ENKUR: variants seen among roughly 807,000 people sequenced by gnomAD.
The protein encoded by ENKUR is enkurin, TRPC channel interacting protein, also known as enkurin.
Under a neutral mutation model 27.6 loss-of-function variants are expected in ENKUR, and 19 were observed. The ratio of observed to expected loss-of-function variants is 0.69; its 90% CI spans 0.48 to 1.01. The LOEUF is 1.01. ENKUR is among the 50% of genes least tolerant of loss of function. The pLI, the probability that ENKUR is intolerant of heterozygous loss-of-function variation, is 0.00. For synonymous variants in ENKUR, 117 were observed against 96.9 expected (o/e 1.21, Z -1.22); for missense variants, 312 against 310.5 (o/e 1.00, Z -0.04).
At chr10:25,043,018 T>C (rs1215770809) in intron 2 of ENKUR, among the ~76,000 whole-genome samples, 1 of 152,160 alleles carries the variant, frequency 6.6e-6, no homozygotes, top group East Asian at 1.9e-4. Flanking sequence ...ATTTTAAAGA[T>C]TATGTTACTG....
chr10:25,049,025 T>C (rs1481978577), intron 2 of ENKUR, among the ~76,000 whole-genome samples: 1 of 152,158 alleles, frequency 6.6e-6, no homozygotes, highest in Non-Finnish European at 1.5e-5. Flanking sequence ...AGGCTGGCTT[T>C]GAAGTCGTGA....
intron 1 of ENKUR, among the ~76,000 whole-genome samples, chr10:25,000,374 G>C (rs2132697370): frequency 6.6e-6 from 1 of 152,184 alleles, no homozygotes; most frequent in East Asian, 1.9e-4. Context: ...TATCCTTCCT[G>C]ATTTTGTCTA....
intron 2 of ENKUR, among the ~76,000 whole-genome samples, chr10:25,030,235 G>C (rs1445066939): frequency 1.3e-5 from 2 of 151,978 alleles, no homozygotes; most frequent in Non-Finnish European, 2.9e-5. Flanking sequence ...CCATAATTTT[G>C]ATAGAACTCA....
chr10:25,047,155 A>G (rs1851129797), intron 2 of ENKUR, among the ~76,000 whole-genome samples: 1 of 152,146 alleles, frequency 6.6e-6, no homozygotes, highest in Non-Finnish European at 1.5e-5. Context: ...CCTCTCATAA[A>G]TGTAATTCAA....
chr10:24,990,458 C>T lies in ENKUR; in HGVS notation c.594+5G>A. ...ACAGATGAATGTAAATGGCAGAACA[C>T]ACACCTGCAAAACTGCCTCCCTTTC... is the stretch of plus-strand genomic sequence containing the variant. On this transcript the variant is annotated splice_donor_5th_base_variant and intron_variant, in intron 4 of 5. Transcript: ENST00000331161. 1 of 1,609,516 alleles carries T rather than the reference C, an allele frequency of 6.2e-7. No homozygotes were observed.
intron 2 of ENKUR, chr10:25,026,455 A>G (rs1229516814): frequency 1.2e-5 from 2 of 167,104 alleles, no homozygotes; most frequent in South Asian, 2.1e-4. Context: ...ATTTGTAGAC[A>G]GCAGTTTCCC....
At chr10:25,014,245 C>T (rs887963758) in intron 1 of ENKUR, among the ~76,000 whole-genome samples, 1 of 152,054 alleles carries the variant, frequency 6.6e-6, no homozygotes, top group African/African-American at 2.4e-5. Context: ...AACTCTGAGG[C>T]GTGGGAGATC....
rs561195905 is a variant in ENKUR at position 24,986,591 on chromosome 10, C to T, written c.595-1686G>A. Reference sequence around the variant, plus strand: ...GGAAGTCTATGTATTTGTACATTTGCGGATATCAAAGGTTTTTCATAGCTA... The same window carrying T: ...GGAAGTCTATGTATTTGTACATTTGTGGATATCAAAGGTTTTTCATAGCTA... On this transcript the variant is annotated intron_variant, in intron 4 of 5. Transcript: ENST00000331161. Among the ~76,000 whole-genome samples the T allele has an allele frequency of 5.9e-5, 9 of 152,196 alleles. No homozygotes were observed. The South Asian group carries it at 6.2e-4, about 11-fold the overall frequency.
rs1564358676 is a variant in ENKUR, at chr10:25,054,501, CTTT to C, written c.37+6608_37+6610del. Among the ~76,000 whole-genome samples, 67 of 138,942 alleles carry C rather than the reference CTTT, an allele frequency of 4.8e-4. No homozygotes were observed. The East Asian group carries it at 5.0e-3, about 10-fold the overall frequency. 91.2% of individuals were successfully genotyped at this position (138,942 alleles called of 152,430 possible). On this transcript the variant is annotated intron_variant, in intron 2 of 5. Transcript: ENST00000615958. ...TCTTTCTTTCTTTCTTTCTTTCTTT[CTTT>C]CTTTCTTTCCTTTCTTTCTTTCTTT...
intron 2 of ENKUR, among the ~76,000 whole-genome samples, chr10:25,046,806 A>G (rs1851126498): frequency 6.6e-6 from 1 of 152,214 alleles, no homozygotes; most frequent in Admixed American, 6.5e-5. Context: ...CTGCTGTTGT[A>G]TCCCAGCCAA....
Position 24,983,839 on chromosome 10 carries a change from T to C in ENKUR, c.*531A>G, listed in dbSNP as rs1378379119. 6.6e-6 allele frequency: 1 copy of C among 152,218 alleles called. No individual in the cohort carries two copies. The highest frequency in any genetic ancestry group is 2.4e-5 in the African/African-American group (1 of 41,460). The allele number at this position is 152,218 out of a possible 1,614,324, so 9.4% of individuals were successfully genotyped here. A position where few individuals can be genotyped will look rare whatever the true frequency, so the allele number is the denominator to read the frequency against. ...TTTTCTAATTTAAAATTTCATAAAATAACCTTTTCCTTTTAGATATTTAGA... is the reference window on the plus strand; with the variant it reads ...TTTTCTAATTTAAAATTTCATAAAACAACCTTTTCCTTTTAGATATTTAGA... On this transcript the variant is annotated 3_prime_UTR_variant, in exon 6 of 6. Coordinates refer to ENST00000331161, the MANE Select transcript of ENKUR (RefSeq NM_145010.4).
chr10:25,009,264 A>G (rs903043802), intron 1 of ENKUR, among the ~76,000 whole-genome samples: 5 of 152,040 alleles, frequency 3.3e-5, no homozygotes, highest in African/African-American at 1.2e-4. Context: ...ATAAAAAAAA[A>G]AGTATGCATG....
At chr10:25,025,421 A>G (rs752099525) in intron 2 of ENKUR, 14 of 1,610,426 alleles carry the variant, frequency 8.7e-6, no homozygotes, top group Non-Finnish European at 1.2e-5. Context: ...TTGAAGAGTC[A>G]TGTGGAACAA....
intron 2 of ENKUR, among the ~76,000 whole-genome samples, chr10:25,054,548 C>T (rs58397907): frequency 5.0e-5 from 5 of 99,420 alleles, no homozygotes; most frequent in African/African-American, 2.1e-4. Context: ...TCTTTCTTTC[C>T]TTTCTTTCTT....
At chr10:25,005,422 T>C (rs1850288998) in intron 1 of ENKUR, among the ~76,000 whole-genome samples, 1 of 152,200 alleles carries the variant, frequency 6.6e-6, no homozygotes, top group South Asian at 2.1e-4. Context: ...GGAAATGATA[T>C]TACTCAAAAA....
intron 1 of ENKUR, among the ~76,000 whole-genome samples, chr10:25,012,113 C>T (rs761011530): frequency 6.6e-6 from 1 of 152,250 alleles, no homozygotes; most frequent in African/African-American, 2.4e-5. Flanking sequence ...TTGGTGGCTT[C>T]CACATGGTGT....
At chr10:24,992,084 T>C (rs1319136281) in intron 3 of ENKUR, among the ~76,000 whole-genome samples, 7 of 152,202 alleles carry the variant, frequency 4.6e-5, no homozygotes, top group Admixed American at 2.0e-4. Context: ...TCTTTCAGCT[T>C]AGTAAATGCG....
At chr10:25,003,151 G>A (rs568523456) in intron 1 of ENKUR, among the ~76,000 whole-genome samples, 2 of 151,648 alleles carry the variant, frequency 1.3e-5, no homozygotes, top group East Asian at 1.9e-4. Context: ...TTCAATTTCA[G>A]TGTTTCTTTA....
chr10:24,998,154 G>A (rs1850106295), intron 2 of ENKUR, among the ~76,000 whole-genome samples: 1 of 152,132 alleles, frequency 6.6e-6, no homozygotes, highest in African/African-American at 2.4e-5. Context: ...CTGCCATAAA[G>A]AGAAGTAGTT....
Sources: gnomAD v4.1 joint callset for allele counts (sites outside exome capture counted in the v4.1 genomes callset) on GRCh38, gnomAD v4.1.1 for gene constraint, MANE v1.5 for transcripts, NCBI Gene and HGNC (gene_info 2026-07-23, HGNC 2026-07-21) for gene names.